Variants in PTPRR observed in about 807,000 individuals in gnomAD.
PTPRR encodes protein tyrosine phosphatase receptor type R.
Under a neutral mutation model 77.2 loss-of-function variants are expected in PTPRR, and 38 were observed. The observed-to-expected ratio is 0.49, with a 90% confidence interval of 0.38 to 0.65. PTPRR has a LOEUF of 0.65. Ranked by LOEUF, PTPRR falls within the 30% of genes least tolerant of loss-of-function variation. PTPRR has a pLI of 0.00. For synonymous variants in PTPRR, 299 were observed against 283.1 expected (o/e 1.06, Z -0.57); for missense variants, 744 against 799.2 (o/e 0.93, Z 0.83).
rs183516965 is a variant in PTPRR, at chr12:70,702,341, T to C, written c.1008-1018A>G. ...TCAGAGATGGTGTTTACAAAAACTG[T>C]TACATTTAAAGGGGCCGTAGGTGTG... On this transcript the variant is annotated intron_variant, in intron 6 of 13. Coordinates refer to ENST00000283228, the MANE Select transcript of PTPRR (RefSeq NM_002849.4). 8.5e-5 allele frequency among the ~76,000 whole-genome samples: 13 copies of C among 152,102 alleles called. No individual in the cohort carries two copies. The East Asian group carries it at 1.9e-3, about 23-fold the overall frequency.
intron 13 of PTPRR, among the ~76,000 whole-genome samples, chr12:70,653,852 C>G (rs1886482074): frequency 6.6e-6 from 1 of 152,136 alleles, no homozygotes; most frequent in Non-Finnish European, 1.5e-5. Flanking sequence ...AATCTGTTTC[C>G]AGAGCCCAGA....
intron 2 of PTPRR, among the ~76,000 whole-genome samples, chr12:70,793,698 G>A (rs543126067): frequency 9.8e-5 from 15 of 152,286 alleles, no homozygotes; most frequent in African/African-American, 3.6e-4. Flanking sequence ...GTAATTTTGT[G>A]AGAGGTTTGA....
At chr12:70,836,175 A>C (rs1192211836) in intron 2 of PTPRR, among the ~76,000 whole-genome samples, 1 of 151,984 alleles carries the variant, frequency 6.6e-6, no homozygotes, top group Non-Finnish European at 1.5e-5. Flanking sequence ...GTTTCTCATC[A>C]CCTACAGGAT....
intron 6 of PTPRR, among the ~76,000 whole-genome samples, chr12:70,720,936 T>C (rs1162449844): frequency 6.6e-6 from 1 of 152,182 alleles, no homozygotes; most frequent in African/African-American, 2.4e-5. Context: ...CAGATTTGGT[T>C]CTTCACTGAA....
chr12:70,845,608 A>G (rs1246638206), intron 2 of PTPRR, among the ~76,000 whole-genome samples: 2 of 152,150 alleles, frequency 1.3e-5, no homozygotes, highest in East Asian at 3.8e-4. Context: ...AATTAACCTA[A>G]AAAGTCTATT....
chr12:70,744,261 A>G (rs1592725121), intron 6 of PTPRR, among the ~76,000 whole-genome samples: 1 of 152,208 alleles, frequency 6.6e-6, no homozygotes, highest in Non-Finnish European at 1.5e-5. Context: ...CTGGGTCTGG[A>G]ATCCAGTTCT....
chr12:70,741,676 T>C (rs2136916472), intron 6 of PTPRR, among the ~76,000 whole-genome samples: 1 of 152,134 alleles, frequency 6.6e-6, no homozygotes, highest in South Asian at 2.1e-4. Flanking sequence ...AGGTAGAATA[T>C]GAAATAAGCC....
At chr12:70,822,626 T>C (rs1024737048) in intron 2 of PTPRR, among the ~76,000 whole-genome samples, 1 of 152,132 alleles carries the variant, frequency 6.6e-6, no homozygotes, top group African/African-American at 2.4e-5. Context: ...AGCTCACATT[T>C]ATATAAATAA....
intron 1 of PTPRR, among the ~76,000 whole-genome samples, chr12:70,919,919 G>A (rs1893830305): frequency 6.6e-6 from 1 of 151,808 alleles, no homozygotes; most frequent in Non-Finnish European, 1.5e-5. Context: ...ATGAGCGCTC[G>A]CTAGACCAAG....
At chr12:70,772,308 T>G (rs1213286549) in intron 2 of PTPRR, among the ~76,000 whole-genome samples, 1 of 152,064 alleles carries the variant, frequency 6.6e-6, no homozygotes, top group African/African-American at 2.4e-5. Context: ...AATAACGAGA[T>G]TGGTTTACAT....
intron 6 of PTPRR, among the ~76,000 whole-genome samples, chr12:70,701,621 A>T (rs1343975256): frequency 6.6e-6 from 1 of 150,464 alleles, no homozygotes; most frequent in Non-Finnish European, 1.5e-5. Context: ...AAAATTAAGT[A>T]AAAAAAAATT....
intron 13 of PTPRR, among the ~76,000 whole-genome samples, chr12:70,648,672 A>G (rs1027236504): frequency 6.6e-5 from 10 of 152,168 alleles, no homozygotes. Flanking sequence ...AGAGCCACGC[A>G]CCAAGCTCCT....
In PTPRR at chr12:70,768,404, T is replaced by C. The variant is rs570174129; in HGVS notation, c.358-3626A>G. 5.5e-4 allele frequency among the ~76,000 whole-genome samples: 83 copies of C among 152,080 alleles called. 3 individuals are homozygous for C. In the Middle Eastern group the frequency reaches 0.014, roughly 25 times the overall value. ...ACCTCTACGCAAATAAACTAGAAAATCTAGAAGAAATGGATAAATTCCTTG... is the reference window on the plus strand; with the variant it reads ...ACCTCTACGCAAATAAACTAGAAAACCTAGAAGAAATGGATAAATTCCTTG... On this transcript the variant is annotated intron_variant, in intron 2 of 13. Coordinates refer to ENST00000283228, the MANE Select transcript of PTPRR (RefSeq NM_002849.4).
At chr12:70,918,894 G>T (rs1404240810) in intron 1 of PTPRR, among the ~76,000 whole-genome samples, 3 of 152,120 alleles carry the variant, frequency 2.0e-5, no homozygotes, top group Non-Finnish European at 4.4e-5. Context: ...ATGTGGTAAC[G>T]AAATAATTCA....
intron 6 of PTPRR, among the ~76,000 whole-genome samples, chr12:70,723,162 C>A (rs1215434294): frequency 6.6e-6 from 1 of 152,128 alleles, no homozygotes; most frequent in Non-Finnish European, 1.5e-5. Context: ...GGTTTCCTGT[C>A]ACCTTGGGAA....
intron 2 of PTPRR, among the ~76,000 whole-genome samples, chr12:70,854,318 C>T (rs891612729): frequency 2.6e-5 from 4 of 152,138 alleles, no homozygotes; most frequent in Non-Finnish European, 5.9e-5. Context: ...GCTGTTCCTG[C>T]CAATGTACTA....
At chr12:70,842,519 A>C (rs976790131) in intron 2 of PTPRR, among the ~76,000 whole-genome samples, 4 of 152,182 alleles carry the variant, frequency 2.6e-5, no homozygotes, top group African/African-American at 9.6e-5. Context: ...TCCTCCCCCC[A>C]AAAATGGAGA....
chr12:70,759,822 T>G (rs918962478), intron 4 of PTPRR, among the ~76,000 whole-genome samples: 1 of 151,984 alleles, frequency 6.6e-6, no homozygotes, highest in African/African-American at 2.4e-5. Context: ...TAGGAAAGTG[T>G]TGTTCAACAA....
chr12:70,789,320 A>G lies in PTPRR; in HGVS notation c.358-24542T>C, dbSNP rs536525033. On this transcript the variant is annotated intron_variant, in intron 2 of 13. Transcript: ENST00000283228. ...TAAGCTAGTTTCATAATAAACATAA[A>G]TTTCTTTTCAAAGTTCCACTATTTC... 5.3e-4 allele frequency among the ~76,000 whole-genome samples: 80 copies of G among 152,158 alleles called. No homozygotes were observed. The South Asian group carries it at 0.013, about 26-fold the overall frequency.
Sources: gnomAD v4.1 joint callset for allele counts (sites outside exome capture counted in the v4.1 genomes callset) on GRCh38, gnomAD v4.1.1 for gene constraint, MANE v1.5 for transcripts, NCBI Gene and HGNC (gene_info 2026-07-23, HGNC 2026-07-21) for gene names.